ADD1: variants seen among roughly 807,000 people sequenced by gnomAD.
The protein encoded by ADD1 is adducin 1, also known as alpha-adducin.
In ADD1, 24 loss-of-function variants were observed where a neutral mutation model predicts 80.5. The ratio of observed to expected loss-of-function variants is 0.30; its 90% confidence interval spans 0.22 to 0.42. The LOEUF is 0.42. Among genes scored for constraint, ADD1 ranks in the 10% least tolerant of loss-of-function variants. The probability of loss-of-function intolerance (pLI) is 1.00; values close to 1 mark genes in which losing one functional copy is unlikely to be tolerated. For synonymous variants in ADD1, 373 were observed against 393.8 expected, an observed-to-expected ratio of 0.95 and a Z score of 0.63; for missense variants, 948 against 1,019.0, an observed-to-expected ratio of 0.93 and a Z score of 0.95.
rs1712287181 is a variant in ADD1, at chr4:2,928,329, C to G, written c.2206C>G (p.Pro736Ala). ...TAGACCCCCAAGCCCCACTGAGGCC[C>G]CTACTGAGGCCAGCCCCGAGCCAGC... ...AHRPPSPTEAPTEASPEPAPD... is the reference protein window; with the variant it reads ...AHRPPSPTEAATEASPEPAPD... The change falls in exon 16 of 16, where the codon CCT (proline) becomes GCT (alanine). Residue 736 changes from proline (P) to alanine (A), a missense_variant. Coordinates refer to ENST00000683351, the MANE Select transcript of ADD1 (RefSeq NM_001354761.2). 1 of 1,613,846 alleles carries G rather than the reference C, an allele frequency of 6.2e-7. No individual in the cohort carries two copies. The highest frequency in any genetic ancestry group is 8.5e-7 in the Non-Finnish European group (1 of 1,179,986).
rs1738718231 is a variant in ADD1, at chr4:2,914,869, G to A, written c.1792-15G>A. On this transcript the variant is annotated splice_polypyrimidine_tract_variant and intron_variant, in intron 13 of 15. Transcript: ENST00000683351. Reference sequence around the variant, plus strand: ...GGCCGGGCTCCTGCAGACCAGATGTGCCTTTCATCCACAGGGAGAGCTGGT... The same window carrying A: ...GGCCGGGCTCCTGCAGACCAGATGTACCTTTCATCCACAGGGAGAGCTGGT... 1 of 1,602,008 alleles carries A rather than the reference G, an allele frequency of 6.2e-7. No individual in the cohort carries two copies.
At position 2,910,529 on chromosome 4, in the gene ADD1, T is replaced by A. The variant is rs116524469; in HGVS notation, c.1791+1098T>A. ...GCTTGTTTTTCATCTTTTGGCACTT[T>A]GTTGCGGTCTTGTCAGTTATTCTTT... On this transcript the variant is annotated intron_variant, in intron 13 of 15. Coordinates refer to ENST00000683351, the MANE Select transcript of ADD1 (RefSeq NM_001354761.2). Among the ~76,000 whole-genome samples, 979 of 152,276 alleles carry A rather than the reference T, an allele frequency of 6.4e-3. 11 individuals carry two copies. Among genetic ancestry groups the A allele is most frequent in the African/African-American group, 0.022 (918 of 41,544 alleles).
At chr4:2,907,259 T>G (rs1415346691) in intron 10 of ADD1, 1 of 155,164 alleles carries the variant, frequency 6.4e-6, no homozygotes, top group East Asian at 1.9e-4. Context: ...TGTCATTTAC[T>G]TTAATGCAAA....
intron 6 of ADD1, among the ~76,000 whole-genome samples, chr4:2,896,661 G>T (rs2109017110): frequency 6.6e-6 from 1 of 151,990 alleles, no homozygotes; most frequent in East Asian, 1.9e-4. Flanking sequence ...TTTCCTGAAA[G>T]AATGCATGTC....
intron 1 of ADD1, among the ~76,000 whole-genome samples, chr4:2,847,772 G>A (rs1308964292): frequency 1.3e-5 from 2 of 152,134 alleles, no homozygotes; most frequent in Non-Finnish European, 2.9e-5. Flanking sequence ...CCAGAACGGC[G>A]GGGACAGCTT....
At chr4:2,860,299 G>A (rs1263359) in intron 1 of ADD1, among the ~76,000 whole-genome samples, 78,498 of 151,998 alleles carry the variant, frequency 0.52, 20,671 homozygotes, top group African/African-American at 0.6. Flanking sequence ...GAATTGACGT[G>A]ATTTTGGAAA....
At position 2,898,167 on chromosome 4, in the gene ADD1, G is replaced by T; in HGVS notation, c.742-17G>T. On this transcript the variant is annotated splice_polypyrimidine_tract_variant and intron_variant, in intron 6 of 15. Transcript: ENST00000683351. Reference sequence around the variant, plus strand: ...ACCCCAGGTTTTCCTTCTTCATGGCGACCATTTGGTCTCTAGGTCTCTGCA... The same window carrying T: ...ACCCCAGGTTTTCCTTCTTCATGGCTACCATTTGGTCTCTAGGTCTCTGCA... 1 of 1,596,244 alleles carries T rather than the reference G, an allele frequency of 6.3e-7. No individual in the cohort carries two copies. Among genetic ancestry groups the T allele is most frequent in the South Asian group, 1.1e-5 (1 of 89,078 alleles).
chr4:2,927,183 C>T (rs935784080), intron 15 of ADD1, among the ~76,000 whole-genome samples: 8 of 152,246 alleles, frequency 5.3e-5, no homozygotes, highest in Non-Finnish European at 8.8e-5. Context: ...GGGCAGCCTC[C>T]GTCCTAGCAT....
At chr4:2,893,950 C>A in intron 4 of ADD1, 63 bp from the exon 5 acceptor site, 3 of 1,458,798 alleles carry the variant, frequency 2.1e-6, no homozygotes, top group Non-Finnish European at 2.9e-6. Flanking sequence ...GAATTTGTAG[C>A]CTGAAAGAGA....
At position 2,907,755 on chromosome 4, in the gene ADD1, G is replaced by A. The variant is rs1737298043; in HGVS notation, c.1519G>A (p.Asp507Asn). 1.2e-6 allele frequency: 2 copies of A among 1,613,830 alleles called. No individual in the cohort carries two copies. The highest frequency in any genetic ancestry group is 3.3e-5 in the Admixed American group (2 of 60,008). Residue 507 changes from aspartate (D) to asparagine (N), a missense_variant, in exon 11 of 16, where the codon GAT (aspartate) becomes AAT (asparagine). Transcript: ENST00000683351. ...CTTGATATTACAGTGGACTAAAGAGGATGGACATAGAACTTCCACCTCTGC... is the reference window on the plus strand; with the variant it reads ...CTTGATATTACAGTGGACTAAAGAGAATGGACATAGAACTTCCACCTCTGC... ...CITNCLWTKE[D>N]GHRTSTSAVP...
At chr4:2,906,043 T>C (rs907668855) in intron 10 of ADD1, among the ~76,000 whole-genome samples, 14 of 152,212 alleles carry the variant, frequency 9.2e-5, no homozygotes, top group Admixed American at 9.2e-4. Flanking sequence ...TGAAATTAGA[T>C]TAGATGCTCC....
At chr4:2,912,625 A>G (rs1200299768) in intron 13 of ADD1, among the ~76,000 whole-genome samples, 1 of 152,140 alleles carries the variant, frequency 6.6e-6, no homozygotes, top group African/African-American at 2.4e-5. Context: ...CTCTCAGGCC[A>G]AAAGAATCCT....
intron 1 of ADD1, among the ~76,000 whole-genome samples, chr4:2,868,465 C>T (rs1729894909): frequency 6.6e-6 from 1 of 152,200 alleles, no homozygotes. Flanking sequence ...AATCTTGTTA[C>T]TCTTTCCAGC....
In ADD1 at chr4:2,876,755, C is replaced by T. The variant is rs552947218; in HGVS notation, c.195+645C>T. The stretch of plus-strand genomic sequence containing the variant: ...TCGGGAGGCTGAGGCAGGAGAATGG[C>T]GTGAACCCGGGAGGCGGAGCTTGCA... On this transcript the variant is annotated intron_variant, in intron 2 of 15. Coordinates refer to ENST00000683351, the MANE Select transcript of ADD1 (RefSeq NM_001354761.2). Among the ~76,000 whole-genome samples the T allele has an allele frequency of 2.0e-5, 3 of 151,800 alleles. No individual in the cohort carries two copies. The East Asian group carries it at 5.8e-4, about 29-fold the overall frequency.
At chr4:2,908,372 G>T (rs970607348) in intron 11 of ADD1, 143 bp from the exon 12 acceptor site, 8 of 692,892 alleles carry the variant, frequency 1.2e-5, no homozygotes, top group African/African-American at 1.8e-5. Context: ...CAGAACACAT[G>T]GGGCCATCCT....
chr4:2,884,716 T>C, intron 4 of ADD1, 50 bp downstream of exon 4: 1 of 1,522,024 alleles, frequency 6.6e-7, no homozygotes, highest in Non-Finnish European at 8.9e-7. Context: ...ATATTTTGTG[T>C]CTGGCACCAC....
chr4:2,900,751 C>T (rs745815323), intron 9 of ADD1: 31 of 152,114 alleles, frequency 2.0e-4, no homozygotes, highest in African/African-American at 7.0e-4. Context: ...TGCCTGGGCG[C>T]GATAGTCAGT....
At chr4:2,860,881 C>T (rs1335366287) in intron 1 of ADD1, among the ~76,000 whole-genome samples, 2 of 152,162 alleles carry the variant, frequency 1.3e-5, no homozygotes, top group African/African-American at 2.4e-5. Flanking sequence ...GGAGTTTGAA[C>T]TCAAGCAGTC....
intron 13 of ADD1, among the ~76,000 whole-genome samples, chr4:2,912,132 T>G (rs1738181679): frequency 6.6e-6 from 1 of 152,244 alleles, no homozygotes; most frequent in South Asian, 2.1e-4. Context: ...CCACCCAGGT[T>G]GCCTCAGTCA....
Sources: allele counts gnomAD v4.1 joint callset (sites outside exome capture counted in the v4.1 genomes callset), GRCh38; gene constraint gnomAD v4.1.1; transcripts MANE v1.5; gene names NCBI Gene and HGNC (gene_info 2026-07-23, HGNC 2026-07-21).